KCNIP4: variants seen among roughly 807,000 people sequenced by gnomAD.
The protein encoded by KCNIP4 is Kv channel-interacting protein 4.
KCNIP4 carries 12 observed loss-of-function variants against 34.0 expected under a neutral mutation model. The ratio of observed to expected loss-of-function variants is 0.35; its 90% CI spans 0.23 to 0.57. The LOEUF (loss-of-function observed/expected upper bound fraction) is 0.57. KCNIP4 is among the 20% of genes least tolerant of loss of function. The pLI is 0.83. For synonymous variants in KCNIP4, 124 were observed against 102.2 expected (o/e 1.21, Z -1.29); for missense variants, 238 against 311.7 (o/e 0.76, Z 1.78).
intron 3 of KCNIP4, among the ~76,000 whole-genome samples, chr4:20,843,319 GTAGTTACCTC>G (rs1229431296): frequency 2.0e-5 from 3 of 152,188 alleles, no homozygotes; most frequent in Non-Finnish European, 4.4e-5. Flanking sequence ...AAAACTAACA[GTAGTTACCTC>G]TAGCAAGGTG....
At chr4:21,274,252 T>C (rs1376081360) in intron 1 of KCNIP4, among the ~76,000 whole-genome samples, 2 of 152,160 alleles carry the variant, frequency 1.3e-5, no homozygotes, top group African/African-American at 4.8e-5. Flanking sequence ...AATTAAAAAT[T>C]GTGGATCCAA....
chr4:20,896,000 T>A (rs575319265), intron 1 of KCNIP4, among the ~76,000 whole-genome samples: 7 of 152,324 alleles, frequency 4.6e-5, no homozygotes, highest in African/African-American at 7.2e-5. Context: ...ACTTTTTTTT[T>A]AAATTAACTG....
At chr4:21,078,216 C>T (rs1024055161) in intron 1 of KCNIP4, among the ~76,000 whole-genome samples, 15 of 151,588 alleles carry the variant, frequency 9.9e-5, no homozygotes, top group Admixed American at 2.6e-4. Context: ...TCAGGGAGTG[C>T]GGGAAAAGAG....
Position 21,372,912 on chromosome 4 carries a change from G to A in KCNIP4, c.62-490203C>T, listed in dbSNP as rs1560340275. Among the ~76,000 whole-genome samples, 6 of 145,888 alleles carry A rather than the reference G, an allele frequency of 4.1e-5. No individual in the cohort carries two copies. In the South Asian group the frequency reaches 1.3e-3, roughly 31 times the overall value. ...GTAAAATTTTATTCCCAATTTGACA[G>A]GTAGGTGGGTAAATATGAAACTTAG... On this transcript the variant is annotated intron_variant, in intron 1 of 8. Coordinates refer to ENST00000382152, the MANE Select transcript of KCNIP4 (RefSeq NM_025221.6).
chr4:21,517,247 G>T (rs1734841784), intron 1 of KCNIP4, among the ~76,000 whole-genome samples: 1 of 152,120 alleles, frequency 6.6e-6, no homozygotes, highest in Non-Finnish European at 1.5e-5. Context: ...CCACGTCAGA[G>T]TGGGATCCAG....
At chr4:21,820,305 A>G (rs576918067) in intron 1 of KCNIP4, among the ~76,000 whole-genome samples, 9 of 140,746 alleles carry the variant, frequency 6.4e-5, no homozygotes, top group African/African-American at 2.0e-4. Context: ...ATATATATAT[A>G]TATATATATA....
intron 1 of KCNIP4, among the ~76,000 whole-genome samples, chr4:21,536,669 T>C (rs1026092020): frequency 1.3e-5 from 2 of 151,834 alleles, no homozygotes; most frequent in Non-Finnish European, 2.9e-5. Context: ...TAATCTCAGC[T>C]ACTCAGAAGG....
intron 1 of KCNIP4, among the ~76,000 whole-genome samples, chr4:21,775,794 C>T (rs1489436351): frequency 2.0e-5 from 3 of 152,210 alleles, no homozygotes; most frequent in Admixed American, 6.5e-5. Context: ...AGCCATTCAG[C>T]CTCCCTGGCT....
At chr4:20,784,965 A>C (rs1178112266) in intron 3 of KCNIP4, among the ~76,000 whole-genome samples, 1 of 152,200 alleles carries the variant, frequency 6.6e-6, no homozygotes, top group Non-Finnish European at 1.5e-5. Context: ...AGCATGCAGA[A>C]CTACCACTTG....
intron 1 of KCNIP4, among the ~76,000 whole-genome samples, chr4:21,918,412 G>A (rs529217065): frequency 2.6e-5 from 4 of 152,258 alleles, no homozygotes; most frequent in Middle Eastern, 3.4e-3. Context: ...CATGCACATC[G>A]TATTAGAAAA....
chr4:21,710,801 A>G (rs1361327872), intron 1 of KCNIP4, among the ~76,000 whole-genome samples: 2 of 152,206 alleles, frequency 1.3e-5, no homozygotes, highest in Non-Finnish European at 2.9e-5. Flanking sequence ...AAAAATCTAG[A>G]GATAGAATTC....
At chr4:21,053,945 C>G (rs1000640014) in intron 1 of KCNIP4, among the ~76,000 whole-genome samples, 1 of 152,014 alleles carries the variant, frequency 6.6e-6, no homozygotes, top group Non-Finnish European at 1.5e-5. Context: ...CCAATTTGAT[C>G]TACAGATTTA....
At chr4:21,035,273 A>T (rs1396641593) in intron 1 of KCNIP4, among the ~76,000 whole-genome samples, 1 of 152,194 alleles carries the variant, frequency 6.6e-6, no homozygotes, top group Non-Finnish European at 1.5e-5. Flanking sequence ...CATTGCCTGC[A>T]ATTTCCAAGG....
chr4:21,530,450 A>G (rs1736579881), intron 1 of KCNIP4, among the ~76,000 whole-genome samples: 1 of 152,158 alleles, frequency 6.6e-6, no homozygotes. Flanking sequence ...TCTATTTTAT[A>G]ATATATCAAT....
At chr4:20,988,459 T>C (rs1736790082) in intron 1 of KCNIP4, among the ~76,000 whole-genome samples, 3 of 152,218 alleles carry the variant, frequency 2.0e-5, no homozygotes, top group Non-Finnish European at 4.4e-5. Flanking sequence ...AACCTGAAAT[T>C]GATCATTTTT....
intron 1 of KCNIP4, among the ~76,000 whole-genome samples, chr4:21,221,590 A>T (rs190723035): frequency 6.6e-6 from 1 of 152,130 alleles, no homozygotes; most frequent in African/African-American, 2.4e-5. Flanking sequence ...CCATGATTCA[A>T]TTACCTCCAC....
chr4:21,849,091 T>A (rs977516958), intron 1 of KCNIP4: 2 of 152,068 alleles, frequency 1.3e-5, no homozygotes, highest in Non-Finnish European at 2.9e-5. Flanking sequence ...ATAAAAGGAA[T>A]CACTCCGTCT....
intron 1 of KCNIP4, among the ~76,000 whole-genome samples, chr4:21,349,270 T>C (rs535473702): frequency 7.2e-5 from 11 of 152,256 alleles, no homozygotes; most frequent in Non-Finnish European, 1.2e-4. Flanking sequence ...AATAATCAGC[T>C]GCTATTATCA....
chr4:20,807,246 G>A (rs1031594861), intron 3 of KCNIP4, among the ~76,000 whole-genome samples: 19 of 152,066 alleles, frequency 1.2e-4, no homozygotes, highest in African/African-American at 3.4e-4. Context: ...TCATTTACAC[G>A]TAATGTTAGT....
Sources: gnomAD v4.1 joint callset for allele counts (sites outside exome capture counted in the v4.1 genomes callset) on GRCh38, gnomAD v4.1.1 for gene constraint, MANE v1.5 for transcripts, NCBI Gene and HGNC (gene_info 2026-07-23, HGNC 2026-07-21) for gene names.